Variants in TMEFF2 observed in about 807,000 individuals in gnomAD.
The protein encoded by TMEFF2 is transmembrane protein with EGF like and two follistatin like domains 2.
In TMEFF2, 28 loss-of-function variants were observed where a neutral mutation model predicts 53.8. That is an observed-to-expected ratio of 0.52 (90% CI 0.39 to 0.71). The LOEUF (loss-of-function observed/expected upper bound fraction) is 0.71. TMEFF2 is among the 30% of genes least tolerant of loss of function. The pLI, the probability that TMEFF2 is intolerant of heterozygous loss-of-function variation, is 0.00. For missense variants in TMEFF2, 353 were observed against 455.2 expected (o/e 0.78, Z 2.04); for synonymous variants, 162 against 166.3 (o/e 0.97, Z 0.20).
At chr2:192,084,005 T>C (rs1434263366) in intron 4 of TMEFF2, among the ~76,000 whole-genome samples, 1 of 152,084 alleles carries the variant, frequency 6.6e-6, no homozygotes, top group Non-Finnish European at 1.5e-5. Context: ...TTACCATTGA[T>C]GGGAAAGTTA....
At chr2:192,046,613 CCTTT>C (rs1320793069) in intron 5 of TMEFF2, among the ~76,000 whole-genome samples, 2 of 152,112 alleles carry the variant, frequency 1.3e-5, no homozygotes, top group Non-Finnish European at 2.9e-5. Context: ...GCTTCCTATT[CCTTT>C]GTTTCTCTGA....
chr2:192,007,035 C>T (rs1686515216), intron 5 of TMEFF2, among the ~76,000 whole-genome samples: 1 of 152,234 alleles, frequency 6.6e-6, no homozygotes, highest in South Asian at 2.1e-4. Flanking sequence ...CAAGTTAGCT[C>T]TTTCTGTGGG....
intron 5 of TMEFF2, among the ~76,000 whole-genome samples, chr2:192,019,154 GTTC>G (rs1372857649): frequency 6.6e-6 from 1 of 151,888 alleles, no homozygotes. Flanking sequence ...TGTTGAATGT[GTTC>G]TTTTTTATGT....
chr2:192,057,828 A>G (rs1416552850), intron 4 of TMEFF2, 53 bp from the exon 5 acceptor site: 1 of 1,381,404 alleles, frequency 7.2e-7, no homozygotes, highest in Non-Finnish European at 1.0e-6. Flanking sequence ...CATTATATCT[A>G]CAACTCCAGG....
In TMEFF2 at chr2:192,194,446, C is replaced by T. The variant is rs759157251; in HGVS notation, c.79G>A (p.Val27Ile). The T allele has an allele frequency of 1.9e-6, 3 of 1,614,064 alleles. No homozygotes were observed. The highest frequency in any genetic ancestry group is 2.5e-6 in the Non-Finnish European group (3 of 1,180,024). ...GGGCGGGCTACGATGAGTAGCATGACGGGCAGCAGCAGCAGCCAGCAAAAG... is the reference window on the plus strand; with the variant it reads ...GGGCGGGCTACGATGAGTAGCATGATGGGCAGCAGCAGCAGCCAGCAAAAG... ...EGFCWLLLLP[V>I]MLLIVARPVK... Residue 27 changes from valine to isoleucine, a missense_variant, in exon 1 of 10, where the codon GTC (valine) becomes ATC (isoleucine). Coordinates refer to ENST00000272771, the MANE Select transcript of TMEFF2 (RefSeq NM_016192.4). This position sits in a 1 kb window ranked among gnomAD's most constrained non-coding sequence, Gnocchi z 4.2.
rs1691545724 is a variant in TMEFF2, at chr2:192,194,223, G to T, written c.172+130C>A. On this transcript the variant is annotated intron_variant, in intron 1 of 9. Transcript: ENST00000272771. The surrounding 1 kb of genome is among the most constrained non-coding windows in gnomAD (Gnocchi z 4.2). ...CCCCTTGTTTCTCTGGATAGAGGTG[G>T]GTGGTATTAGGGGTCTAGGGCAGTA... 5 of 1,061,022 alleles carry T rather than the reference G, an allele frequency of 4.7e-6. No homozygotes were observed. Among genetic ancestry groups the T allele is most frequent in the African/African-American group, 1.6e-5 (1 of 63,160 alleles). 65.7% of individuals were successfully genotyped at this position (1,061,022 alleles called of 1,614,324 possible).
intron 4 of TMEFF2, chr2:192,179,028 T>C (rs1267697227): frequency 1.9e-4 from 8 of 42,700 alleles, no homozygotes; most frequent in Non-Finnish European, 4.1e-4. Context: ...ATCAAACTTT[T>C]AAAGTTTCTC....
intron 5 of TMEFF2, among the ~76,000 whole-genome samples, chr2:192,001,409 T>C (rs1445585197): frequency 1.3e-5 from 2 of 152,138 alleles, no homozygotes; most frequent in East Asian, 3.8e-4. Context: ...ATAGATTATA[T>C]ATATATACAG....
intron 7 of TMEFF2, among the ~76,000 whole-genome samples, chr2:191,968,947 A>T (rs1455147340): frequency 1.3e-5 from 2 of 152,098 alleles, no homozygotes; most frequent in African/African-American, 4.8e-5. Flanking sequence ...GGCTCTAGCC[A>T]CCCAAGCCAC....
rs796267672 is a variant in TMEFF2, at chr2:192,075,332, T to TATATATATATACACAC, written c.440-17558_440-17557insGTGTGTATATATATAT. Among the ~76,000 whole-genome samples the TATATATATATACACAC allele has an allele frequency of 7.1e-4, 63 of 88,130 alleles. 3 individuals carry two copies. Among genetic ancestry groups the TATATATATATACACAC allele is most frequent in the African/African-American group, 1.6e-3 (39 of 24,410 alleles). The allele number at this position is 88,130 out of a possible 152,430, so 57.8% of individuals were successfully genotyped here. ...ATATATATATATATATATATATATATACATACATACTATGTATATCCTTGC... is the reference window on the plus strand; with the variant it reads ...ATATATATATATATATATATATATATATATATATATACACACACATACATACTATGTATATCCTTGC... On this transcript the variant is annotated intron_variant, in intron 4 of 9. Coordinates refer to ENST00000272771, the MANE Select transcript of TMEFF2 (RefSeq NM_016192.4).
In TMEFF2 at chr2:192,189,638, T is replaced by C. The variant is rs186110852; in HGVS notation, c.282+2242A>G. Among the ~76,000 whole-genome samples, 61 of 131,306 alleles carry C rather than the reference T, an allele frequency of 4.6e-4. 1 individual carries two copies. In the Middle Eastern group the frequency reaches 0.02, roughly 43 times the overall value. 86.1% of individuals were successfully genotyped at this position (131,306 alleles called of 152,430 possible). ...AAGTTTAGGATAATATATAGGAAAA[T>C]AGATTTTCAATACCTCTCCCTTTTT... is the stretch of plus-strand genomic sequence containing the variant. On this transcript the variant is annotated intron_variant, in intron 2 of 9. Transcript: ENST00000272771.
Position 191,989,880 on chromosome 2 carries a change from A to G in TMEFF2, c.745+8382T>C, listed in dbSNP as rs1005224318. Among the ~76,000 whole-genome samples, 7 of 152,094 alleles carry G rather than the reference A, an allele frequency of 4.6e-5. No homozygotes were observed. The East Asian group carries it at 7.7e-4, about 17-fold the overall frequency. On this transcript the variant is annotated intron_variant, in intron 7 of 9. Transcript: ENST00000272771. ...TTCCCTTCTAGCCTCAGATGCTTCA[A>G]TGAAATTCTCACCTTTCTTCTTGCA...
chr2:192,069,675 A>G (rs1688241600), intron 4 of TMEFF2, among the ~76,000 whole-genome samples: 1 of 151,838 alleles, frequency 6.6e-6, no homozygotes. Context: ...TGGAAAAGAC[A>G]TCTAGTTTTA....
chr2:192,130,033 T>C (rs1689776644), intron 4 of TMEFF2, among the ~76,000 whole-genome samples: 1 of 152,222 alleles, frequency 6.6e-6, no homozygotes, highest in Non-Finnish European at 1.5e-5. Flanking sequence ...GTGATTTAGA[T>C]TGTATTGCAC....
intron 4 of TMEFF2, among the ~76,000 whole-genome samples, chr2:192,121,195 T>C (rs1340037828): frequency 6.6e-6 from 1 of 152,068 alleles, no homozygotes; most frequent in Non-Finnish European, 1.5e-5. Flanking sequence ...CAATCAGCGC[T>C]AAGAAGATAG....
chr2:192,051,318 G>A, intron 5 of TMEFF2, among the ~76,000 whole-genome samples: 1 of 151,056 alleles, frequency 6.6e-6, no homozygotes, highest in East Asian at 1.9e-4. Flanking sequence ...GGGCCAGAAA[G>A]CAAAGGAAAT....
intron 7 of TMEFF2, among the ~76,000 whole-genome samples, chr2:191,993,632 A>G (rs1686156909): frequency 6.6e-6 from 1 of 151,990 alleles, no homozygotes. Flanking sequence ...TAAGCTCAAC[A>G]TGCTCCTCCT....
In TMEFF2 at chr2:192,070,995, A is replaced by G. The variant is rs771494079; in HGVS notation, c.440-13220T>C. ...ACACGGGGTCACTTCAGGGTATAGCATGTAATTGCAAGTTGCAGACCCTGA... is the reference window on the plus strand; with the variant it reads ...ACACGGGGTCACTTCAGGGTATAGCGTGTAATTGCAAGTTGCAGACCCTGA... On this transcript the variant is annotated intron_variant, in intron 4 of 9. Coordinates refer to ENST00000272771, the MANE Select transcript of TMEFF2 (RefSeq NM_016192.4). Among the ~76,000 whole-genome samples the G allele has an allele frequency of 1.3e-3, 201 of 150,990 alleles. 1 individual carries two copies. The highest frequency in any genetic ancestry group is 1.5e-3 in the Non-Finnish European group (100 of 67,590).
At chr2:191,977,869 A>G (rs1212029466) in intron 7 of TMEFF2, among the ~76,000 whole-genome samples, 1 of 152,216 alleles carries the variant, frequency 6.6e-6, no homozygotes, top group Non-Finnish European at 1.5e-5. Context: ...GTTTGATGGA[A>G]TGATGAGATT....
Sources: allele counts gnomAD v4.1 joint callset (sites outside exome capture counted in the v4.1 genomes callset), GRCh38; gene constraint gnomAD v4.1.1; non-coding constraint Gnocchi (gnomAD v3.1); transcripts MANE v1.5; gene names NCBI Gene and HGNC (gene_info 2026-07-23, HGNC 2026-07-21).